The following PLTP variants were observed in gnomAD, a reference collection of about 807,000 sequenced individuals.
The protein encoded by PLTP is phospholipid transfer protein.
A neutral mutation model predicts 54.1 loss-of-function variants in PLTP; 43 were observed. The observed-to-expected ratio is 0.79, with a 90% CI of 0.62 to 1.02. PLTP has a LOEUF of 1.02. Among genes scored for constraint, PLTP ranks in the 50% least tolerant of loss-of-function variants. PLTP has a pLI of 0.00. For missense variants in PLTP, 604 were observed against 645.9 expected (o/e 0.94, Z 0.70); for synonymous variants, 263 against 264.6 (o/e 0.99, Z 0.06).
At chr20:45,910,153 A>G in intron 3 of PLTP, 83 bp from the exon 4 acceptor site, 2 of 1,490,458 alleles carry the variant, frequency 1.3e-6, no homozygotes, top group Non-Finnish European at 1.9e-6. Flanking sequence ...CTCCCCTTTC[A>G]AGTCCAGGCC....
chr20:45,905,998 G>C (rs529663932), intron 8 of PLTP, among the ~76,000 whole-genome samples: 2 of 152,348 alleles, frequency 1.3e-5, no homozygotes, highest in Non-Finnish European at 2.9e-5. Context: ...CAAAGGCCCT[G>C]AGGTGGGAAG....
chr20:45,909,140 T>C (rs1409282725), intron 5 of PLTP, among the ~76,000 whole-genome samples: 2 of 151,948 alleles, frequency 1.3e-5, no homozygotes, highest in African/African-American at 2.4e-5. Flanking sequence ...AATTTTTGTA[T>C]TTTTAGTAGA....
At position 45,902,563 on chromosome 20, in the gene PLTP, C is replaced by CCGCAG; in HGVS notation, c.979_983dup (p.Val329CysfsTer41). 1 of 1,613,810 alleles carries CCGCAG rather than the reference C, an allele frequency of 6.2e-7. No homozygotes were observed. Among genetic ancestry groups the CCGCAG allele is most frequent in the African/African-American group, 1.3e-5 (1 of 75,040 alleles). ...TGGTGCAGCGCGGTGGGGCCAGGAC[C>CCGCAG]CGCAGCTCCAGCTTCAATGGGGAGT... is the stretch of plus-strand genomic sequence containing the variant. On this transcript the variant is annotated frameshift_variant, in exon 11 of 16. Coordinates refer to ENST00000372431, the MANE Select transcript of PLTP (RefSeq NM_006227.4). LOFTEE classifies it high-confidence loss of function.
intron 1 of PLTP, 112 bp downstream of exon 1, chr20:45,911,967 G>A: frequency 5.4e-6 from 1 of 183,876 alleles, no homozygotes; most frequent in South Asian, 9.8e-5. Context: ...ATTCTGCCTG[G>A]AGCCCCCATG....
At chr20:45,907,816 C>T (rs2083255486) in intron 6 of PLTP, 25 bp downstream of exon 6, 2 of 1,606,602 alleles carry the variant, frequency 1.2e-6, no homozygotes, top group Non-Finnish European at 1.7e-6. Flanking sequence ...ACCCTTGCCA[C>T]CCTGCGACCT....
At position 45,911,406 on chromosome 20, in the gene PLTP, T is replaced by G; in HGVS notation, c.47A>C (p.His16Pro). The G allele has an allele frequency of 1.2e-6, 2 of 1,609,224 alleles. No individual in the cohort carries two copies. Among genetic ancestry groups the G allele is most frequent in the Middle Eastern group, 1.6e-4 (1 of 6,062 alleles). The change falls in exon 2 of 16, where the codon CAT becomes CCT. Residue 16 changes from histidine to proline, a missense_variant. By Grantham distance (77) the His-to-Pro change is moderately conservative. Transcript: ENST00000372431. ...GATCTTGCAGCCTGGGAACTCTGCATGTGCGCCTGCCAGCAGCGCTAGGAA... is the reference window on the plus strand; with the variant it reads ...GATCTTGCAGCCTGGGAACTCTGCAGGTGCGCCTGCCAGCAGCGCTAGGAA... ...ALFLALLAGA[H>P]AEFPGCKIRV...
intron 5 of PLTP, among the ~76,000 whole-genome samples, chr20:45,908,521 CG>C (rs2083261223): frequency 1.3e-5 from 2 of 152,212 alleles, no homozygotes; most frequent in South Asian, 4.2e-4. Flanking sequence ...AAAAATAGGC[CG>C]GGCACAGTTG....
At chr20:45,899,359 G>T (rs1417292774) in intron 15 of PLTP, 103 bp downstream of exon 15, 70 of 1,247,608 alleles carry the variant, frequency 5.6e-5, no homozygotes, top group Non-Finnish European at 1.5e-5. Flanking sequence ...AAATGGGAGG[G>T]GCGACTGGTA....
chr20:45,898,630 A>G lies in PLTP; in HGVS notation c.*311T>C. ...GTCTCCCATAGACAGCCTGGGGGCA[A>G]GTTAGCACTTTATTCCCGCAGCAGT... On this transcript the variant is annotated 3_prime_UTR_variant, in exon 16 of 16. Coordinates refer to ENST00000372431, the MANE Select transcript of PLTP (RefSeq NM_006227.4). The surrounding 1 kb of genome is among the most constrained non-coding windows in gnomAD (Gnocchi z 4.6). 1 of 725,608 alleles carries G rather than the reference A, an allele frequency of 1.4e-6. No homozygotes were observed. The allele number at this position is 725,608 out of a possible 1,614,324, so 44.9% of individuals were successfully genotyped here.
rs1452325346 is a variant in PLTP, at chr20:45,909,553, CAG to C, written c.446_447del (p.Ser149CysfsTer17). ...MKVSNVSCQA[S>X]VSRMHAAFGG... ...CCGAAGGCCGCGTGCATTCTGGAGA[CAG>C]AGGCCTGGCAGGAGACATTGGACAC... is the stretch of plus-strand genomic sequence containing the variant. On this transcript the variant is annotated frameshift_variant, in exon 5 of 16. Transcript: ENST00000372431. LOFTEE classifies it high-confidence loss of function. 1.2e-6 allele frequency: 2 copies of C among 1,614,096 alleles called. No homozygotes were observed. The highest frequency in any genetic ancestry group is 1.3e-5 in the African/African-American group (1 of 74,940).
intron 4 of PLTP, 77 bp from the exon 5 acceptor site, chr20:45,909,748 T>C: frequency 2.0e-6 from 3 of 1,538,008 alleles, no homozygotes; most frequent in Non-Finnish European, 2.7e-6. Context: ...ACCATACCTC[T>C]TAATAAGGTT....
rs766214064 is a variant in PLTP, at chr20:45,899,850, G to C, written c.1204C>G (p.Leu402Val). ...TCCCCACTCACAGCCAGCGACTCCA[G>C]TGCAGAATGGTTGGAATAGATTCGG... ...RFRIYSNHSA[L>V]ESLALIPLQA... Residue 402 changes from leucine (L) to valine (V), a missense_variant, in exon 13 of 16, where the codon CTG (leucine) becomes GTG (valine). Coordinates refer to ENST00000372431, the MANE Select transcript of PLTP (RefSeq NM_006227.4). 1 of 1,203,312 alleles carries C rather than the reference G, an allele frequency of 8.3e-7. No individual in the cohort carries two copies. 74.5% of individuals were successfully genotyped at this position (1,203,312 alleles called of 1,614,324 possible).
chr20:45,910,911 C>T, intron 3 of PLTP: 1 of 1,407,724 alleles, frequency 7.1e-7, no homozygotes, highest in Non-Finnish European at 9.2e-7. Context: ...TCCACTGGTC[C>T]TGCTTCCTTC....
chr20:45,911,025 T>TG, intron 3 of PLTP, 127 bp downstream of exon 3: 1 of 1,599,218 alleles, frequency 6.3e-7, no homozygotes, highest in Non-Finnish European at 8.5e-7. Flanking sequence ...TCTTAAGTCT[T>TG]GCCTCATCGA....
intron 1 of PLTP, 104 bp downstream of exon 1, chr20:45,911,975 A>AT (rs1205651807): frequency 5.5e-6 from 1 of 180,636 alleles, no homozygotes; most frequent in East Asian, 1.4e-4. Context: ...TGGAGCCCCC[A>AT]TGTTAGCGTT....
chr20:45,909,840 G>T, intron 4 of PLTP, 102 bp downstream of exon 4: 1 of 1,503,588 alleles, frequency 6.7e-7, no homozygotes, highest in Non-Finnish European at 9.2e-7. Flanking sequence ...CACAGATGAA[G>T]AAACGGAAAC....
In PLTP at chr20:45,899,029, GCAAAGT is replaced by G; in HGVS notation, c.1388_1393del (p.His463_Ala465delinsPro). The G allele has an allele frequency of 6.2e-7, 1 of 1,614,194 alleles. No individual in the cohort carries two copies. Among genetic ancestry groups the G allele is most frequent in the Non-Finnish European group, 8.5e-7 (1 of 1,180,028 alleles). On this transcript the variant is annotated inframe_deletion, in exon 16 of 16. Coordinates refer to ENST00000372431, the MANE Select transcript of PLTP (RefSeq NM_006227.4). The stretch of plus-strand genomic sequence containing the variant: ...CTCAATCACCTCTCGCAGCCCTTTG[GCAAAGT>G]GGAGATCAGCCCCGATGGTGAGGAA...
At position 45,910,076 on chromosome 20, in the gene PLTP, G is replaced by A. The variant is rs759535502; in HGVS notation, c.201-6C>T. On this transcript the variant is annotated splice_region_variant and splice_polypyrimidine_tract_variant and intron_variant, in intron 3 of 15. Transcript: ENST00000372431. The stretch of plus-strand genomic sequence containing the variant: ...GCAGCTCTGTGACCTTCACCCTACA[G>A]GAGGCCTCAGGGTCAGATCCAGGGC... The A allele has an allele frequency of 6.2e-7, 1 of 1,613,720 alleles. No homozygotes were observed. Among genetic ancestry groups the A allele is most frequent in the Admixed American group, 1.7e-5 (1 of 59,996 alleles).
intron 3 of PLTP, among the ~76,000 whole-genome samples, chr20:45,910,519 G>A (rs2083280078): frequency 6.6e-6 from 1 of 151,762 alleles, no homozygotes; most frequent in African/African-American, 2.4e-5. Flanking sequence ...GGAGGCTGAG[G>A]CAGGAAAATC....
Sources: allele counts gnomAD v4.1 joint callset (sites outside exome capture counted in the v4.1 genomes callset), GRCh38; gene constraint gnomAD v4.1.1; non-coding constraint Gnocchi (gnomAD v3.1); transcripts MANE v1.5; gene names NCBI Gene and HGNC (gene_info 2026-07-23, HGNC 2026-07-21).